NRG3: variants seen among roughly 807,000 people sequenced by gnomAD.
NRG3 encodes neuregulin 3, also known as pro-neuregulin-3, membrane-bound isoform.
A neutral mutation model predicts 66.9 loss-of-function variants in NRG3; 31 were observed. The observed-to-expected ratio is 0.46, with a 90% CI of 0.35 to 0.63. The LOEUF (loss-of-function observed/expected upper bound fraction) is 0.63. Among genes scored for constraint, NRG3 ranks in the 20% least tolerant of loss-of-function variants. The pLI, the probability that NRG3 is intolerant of heterozygous loss-of-function variation, is 0.00. For missense variants in NRG3, 910 were observed against 878.9 expected, an observed-to-expected ratio of 1.04 and a Z score of -0.45; for synonymous variants, 393 against 359.4, an observed-to-expected ratio of 1.09 and a Z score of -1.06.
intron 2 of NRG3, among the ~76,000 whole-genome samples, chr10:82,526,694 T>G (rs2132600211): frequency 6.6e-6 from 1 of 152,014 alleles, no homozygotes; most frequent in African/African-American, 2.4e-5. Context: ...AATCCTAAAT[T>G]TATATTCACC....
intron 6 of NRG3, among the ~76,000 whole-genome samples, chr10:82,967,097 A>G (rs1213203983): frequency 6.6e-6 from 1 of 150,798 alleles, no homozygotes; most frequent in African/African-American, 2.4e-5. Context: ...TGCTACAGGG[A>G]TGTCTTTTCT....
intron 3 of NRG3, among the ~76,000 whole-genome samples, chr10:82,826,570 C>G (rs934144920): frequency 2.0e-5 from 3 of 152,204 alleles, no homozygotes; most frequent in Admixed American, 1.3e-4. Context: ...CCAGGGAATA[C>G]TACACAGCCA....
chr10:82,771,483 T>C (rs1047108788), intron 3 of NRG3, among the ~76,000 whole-genome samples: 5 of 152,178 alleles, frequency 3.3e-5, no homozygotes, highest in Non-Finnish European at 4.4e-5. Context: ...CAGGCTCATT[T>C]ACTGTGGACT....
chr10:82,757,110 C>T (rs879831545), intron 3 of NRG3, among the ~76,000 whole-genome samples: 2 of 151,998 alleles, frequency 1.3e-5, no homozygotes, highest in Admixed American at 6.6e-5. Context: ...TTGTGATGCA[C>T]AGGATTTGCT....
chr10:82,404,701 A>G (rs1020739654), intron 2 of NRG3, among the ~76,000 whole-genome samples: 3 of 152,172 alleles, frequency 2.0e-5, no homozygotes, highest in African/African-American at 7.2e-5. Context: ...GTAATTTTCA[A>G]AGTTAGGATG....
intron 1 of NRG3, among the ~76,000 whole-genome samples, chr10:82,226,275 G>T (rs1365532815): frequency 6.6e-6 from 1 of 152,096 alleles, no homozygotes; most frequent in Non-Finnish European, 1.5e-5. Context: ...GTACATCAAG[G>T]AATTCTCAGC....
intron 7 of NRG3, among the ~76,000 whole-genome samples, chr10:82,974,368 C>A (rs1852050344): frequency 6.6e-6 from 1 of 152,072 alleles, no homozygotes; most frequent in African/African-American, 2.4e-5. Context: ...TCTATAAAAT[C>A]TTCTGTTATA....
At chr10:82,145,432 G>A (rs945359535) in intron 1 of NRG3, among the ~76,000 whole-genome samples, 2 of 152,134 alleles carry the variant, frequency 1.3e-5, no homozygotes, top group South Asian at 2.1e-4. Context: ...TGTAAAATGG[G>A]AATATCAAAG....
chr10:82,515,184 G>A (rs1014507527), intron 2 of NRG3, among the ~76,000 whole-genome samples: 1 of 152,040 alleles, frequency 6.6e-6, no homozygotes, highest in African/African-American at 2.4e-5. Flanking sequence ...TTCCAGTTGT[G>A]TCTAATTTCA....
At chr10:82,354,221 G>A (rs1046352506) in intron 1 of NRG3, among the ~76,000 whole-genome samples, 15 of 146,596 alleles carry the variant, frequency 1.0e-4, no homozygotes, top group Non-Finnish European at 1.0e-4. Context: ...ATTATTATTT[G>A]TATAGATGGG....
At chr10:82,190,563 A>T (rs1171571238) in intron 1 of NRG3, among the ~76,000 whole-genome samples, 1 of 152,188 alleles carries the variant, frequency 6.6e-6, no homozygotes, top group Admixed American at 6.5e-5. Flanking sequence ...TTACTCATTT[A>T]ATCCAAAAGC....
In NRG3 at chr10:82,202,134, A is replaced by G. The variant is rs988407652; in HGVS notation, c.824-156605A>G. Among the ~76,000 whole-genome samples the G allele has an allele frequency of 1.6e-4, 25 of 152,204 alleles. 1 individual carries two copies. Among genetic ancestry groups the G allele is most frequent in the Admixed American group, 1.3e-4 (2 of 15,284 alleles). ...GACATTTGCCCACGTTCACACAGGT[A>G]TAGATTTAGAGATAAGACTCAAATT... On this transcript the variant is annotated intron_variant, in intron 1 of 8. Transcript: ENST00000372141.
chr10:82,456,952 G>A (rs968344556), intron 2 of NRG3, among the ~76,000 whole-genome samples: 1 of 151,912 alleles, frequency 6.6e-6, no homozygotes, highest in African/African-American at 2.4e-5. Context: ...TCCATACTAC[G>A]GAATGTATTA....
chr10:82,225,360 T>C (rs947764388), intron 1 of NRG3: 7 of 152,200 alleles, frequency 4.6e-5, no homozygotes, highest in Non-Finnish European at 1.0e-4. Context: ...TATAATAGGA[T>C]AGACTCTAAG....
At chr10:82,244,834 A>G (rs1250419581) in intron 1 of NRG3, among the ~76,000 whole-genome samples, 3 of 152,048 alleles carry the variant, frequency 2.0e-5, no homozygotes, top group Non-Finnish European at 4.4e-5. Context: ...CCTGGGTTCA[A>G]GCAATTCTCC....
intron 4 of NRG3, among the ~76,000 whole-genome samples, chr10:82,907,110 C>T (rs1056915284): frequency 5.9e-5 from 9 of 152,114 alleles, no homozygotes; most frequent in Non-Finnish European, 7.4e-5. Context: ...TTTATCCCAT[C>T]GCTAAGAGCA....
At chr10:82,102,400 T>A (rs564243492) in intron 1 of NRG3, among the ~76,000 whole-genome samples, 1 of 151,354 alleles carries the variant, frequency 6.6e-6, no homozygotes, top group East Asian at 1.9e-4. Context: ...GGCCTTTTTT[T>A]AATGAAATCT....
intron 3 of NRG3, among the ~76,000 whole-genome samples, chr10:82,832,950 C>A (rs924352066): frequency 3.9e-5 from 6 of 152,064 alleles, no homozygotes; most frequent in African/African-American, 1.4e-4. Context: ...CAAACCTGTG[C>A]TCAGTACCAA....
At chr10:82,542,784 T>C (rs1300744134) in intron 2 of NRG3, among the ~76,000 whole-genome samples, 2 of 152,118 alleles carry the variant, frequency 1.3e-5, no homozygotes, top group African/African-American at 2.4e-5. Flanking sequence ...TATAATATAA[T>C]CGGGCAATCT....
Sources: allele counts gnomAD v4.1 joint callset (sites outside exome capture counted in the v4.1 genomes callset), GRCh38; gene constraint gnomAD v4.1.1; transcripts MANE v1.5; gene names NCBI Gene and HGNC (gene_info 2026-07-23, HGNC 2026-07-21).